Variants in THSD4 observed in about 807,000 individuals in gnomAD.
THSD4 encodes thrombospondin type 1 domain containing 4.
A neutral mutation model predicts 119.0 loss-of-function variants in THSD4; 69 were observed. The ratio of observed to expected loss-of-function variants is 0.58; its 90% CI spans 0.48 to 0.71. THSD4 has a LOEUF of 0.71. Among genes scored for constraint, THSD4 ranks in the 30% least tolerant of loss-of-function variants. THSD4 has a pLI of 0.00. For missense variants in THSD4, 1,393 were observed against 1,391.1 expected, an observed-to-expected ratio of 1.00 and a Z score of -0.02; for synonymous variants, 524 against 540.4, an observed-to-expected ratio of 0.97 and a Z score of 0.42.
intron 7 of THSD4, among the ~76,000 whole-genome samples, chr15:71,472,839 A>T (rs1173017504): frequency 6.6e-6 from 1 of 152,144 alleles, no homozygotes. Flanking sequence ...AAATTTAGAA[A>T]AACTCCCATG....
At chr15:71,477,714 C>G (rs2047673366) in intron 7 of THSD4, among the ~76,000 whole-genome samples, 1 of 152,186 alleles carries the variant, frequency 6.6e-6, no homozygotes, top group African/African-American at 2.4e-5. Context: ...TCTTCACCAC[C>G]AGTGCAGCCC....
chr15:71,781,016 T>C lies in THSD4; in HGVS notation c.*3642T>C, dbSNP rs191748178. ...ATTCTAATGAGGAGGAAGACATAAATATAAGTGGTAAAAAGAAACATGACT... is the reference window on the plus strand; with the variant it reads ...ATTCTAATGAGGAGGAAGACATAAACATAAGTGGTAAAAAGAAACATGACT... On this transcript the variant is annotated 3_prime_UTR_variant, in exon 18 of 18. Coordinates refer to ENST00000261862, the MANE Select transcript of THSD4 (RefSeq NM_024817.3). The C allele has an allele frequency of 4.3e-5, 14 of 329,178 alleles. No individual in the cohort carries two copies. Among genetic ancestry groups the C allele is most frequent in the African/African-American group, 3.0e-4 (14 of 46,656 alleles). 20.4% of individuals were successfully genotyped at this position (329,178 alleles called of 1,614,324 possible).
At chr15:71,660,851 C>T (rs2051292463) in intron 8 of THSD4, 117 bp downstream of exon 8, 2 of 1,166,496 alleles carry the variant, frequency 1.7e-6, no homozygotes, top group African/African-American at 1.5e-5. Context: ...AGGCAGTGCC[C>T]CTGGGGAATG....
intron 7 of THSD4, among the ~76,000 whole-genome samples, chr15:71,483,325 G>A (rs1400803788): frequency 6.6e-6 from 1 of 152,104 alleles, no homozygotes; most frequent in Non-Finnish European, 1.5e-5. Flanking sequence ...ATGTAAATGT[G>A]TGGCTTGCAT....
intron 6 of THSD4, among the ~76,000 whole-genome samples, chr15:71,367,970 A>G (rs1387025835): frequency 2.6e-5 from 4 of 152,054 alleles, no homozygotes; most frequent in South Asian, 4.2e-4. Flanking sequence ...TTTAATGATC[A>G]CCATTCTAAC....
chr15:71,317,673 G>T lies in THSD4; in HGVS notation c.1015+60958G>T, dbSNP rs139985937. 1.5e-3 allele frequency among the ~76,000 whole-genome samples: 235 copies of T among 152,232 alleles called. 1 individual carries two copies. Among genetic ancestry groups the T allele is most frequent in the African/African-American group, 5.0e-3 (209 of 41,548 alleles). Reference sequence around the variant, plus strand: ...GCAAAATGTACCCTTTGGGAAGTTCGTTTTTTCACATGATTCCAAGGAAGA... The same window carrying T: ...GCAAAATGTACCCTTTGGGAAGTTCTTTTTTTCACATGATTCCAAGGAAGA... On this transcript the variant is annotated intron_variant, in intron 6 of 17. Transcript: ENST00000261862.
intron 7 of THSD4, among the ~76,000 whole-genome samples, chr15:71,488,523 A>AAATGAAACCAGCCAG (rs71154775): frequency 0.98 from 149,399 of 152,178 alleles, 73,399 homozygotes; most frequent in Non-Finnish European, 1. Context: ...TGGAAATCTT[A>AAATGAAACCAGCCAG]ATCTCATACT....
At chr15:71,131,846 T>C (rs2040506855) in intron 1 of THSD4, among the ~76,000 whole-genome samples, 2 of 152,188 alleles carry the variant, frequency 1.3e-5, no homozygotes, top group South Asian at 4.1e-4. Context: ...TTCCCCTTGT[T>C]TGTTCATGGA....
chr15:71,637,727 A>C (rs2050773601), intron 7 of THSD4, among the ~76,000 whole-genome samples: 1 of 151,172 alleles, frequency 6.6e-6, no homozygotes, highest in Non-Finnish European at 1.5e-5. Flanking sequence ...GCACATTATG[A>C]ATTTTTTTTT....
At chr15:71,107,593 A>G (rs1234291447) in intron 1 of THSD4, among the ~76,000 whole-genome samples, 2 of 152,124 alleles carry the variant, frequency 1.3e-5, no homozygotes, top group African/African-American at 4.8e-5. Context: ...GGACTGGGTC[A>G]GGAGAAGTTT....
chr15:71,160,869 T>C lies in THSD4; in HGVS notation c.99+5937T>C, dbSNP rs138277003. Among the ~76,000 whole-genome samples, 15 of 152,024 alleles carry C rather than the reference T, an allele frequency of 9.9e-5. No individual in the cohort carries two copies. The East Asian group carries it at 2.7e-3, about 27-fold the overall frequency. ...GGGTTTAGTTTGTTCTTGAGGTTCA[T>C]GGTTAAATTATTTATTAGAAATATT... is the stretch of plus-strand genomic sequence containing the variant. On this transcript the variant is annotated intron_variant, in intron 3 of 17. Transcript: ENST00000261862.
intron 6 of THSD4, among the ~76,000 whole-genome samples, chr15:71,307,494 A>G (rs2045046654): frequency 1.3e-5 from 2 of 152,222 alleles, no homozygotes; most frequent in South Asian, 4.1e-4. Context: ...CATTCAGGCC[A>G]GGCACGGTGG....
At chr15:71,573,080 A>G (rs1036950186) in intron 7 of THSD4, among the ~76,000 whole-genome samples, 1 of 152,148 alleles carries the variant, frequency 6.6e-6, no homozygotes, top group East Asian at 1.9e-4. Context: ...CTTGGCAGAC[A>G]TGCACTTTGG....
At chr15:71,205,965 C>T (rs2043840617) in intron 3 of THSD4, among the ~76,000 whole-genome samples, 2 of 151,758 alleles carry the variant, frequency 1.3e-5, no homozygotes, top group Admixed American at 1.3e-4. Context: ...CCTCCTCCTC[C>T]TTGCTTGAAA....
intron 16 of THSD4, among the ~76,000 whole-genome samples, chr15:71,767,992 A>C (rs1008721992): frequency 6.6e-6 from 1 of 152,222 alleles, no homozygotes; most frequent in Non-Finnish European, 1.5e-5. Context: ...AATGAAGTTT[A>C]TAATACTTTA....
At chr15:71,534,576 A>G (rs1008615857) in intron 7 of THSD4, among the ~76,000 whole-genome samples, 1 of 152,220 alleles carries the variant, frequency 6.6e-6, no homozygotes, top group African/African-American at 2.4e-5. Context: ...TCACTGTAAA[A>G]ACAATTAGAA....
At chr15:71,647,988 G>C (rs776677315) in intron 7 of THSD4, among the ~76,000 whole-genome samples, 5 of 152,128 alleles carry the variant, frequency 3.3e-5, no homozygotes, top group Non-Finnish European at 5.9e-5. Flanking sequence ...GGTGGCCCTT[G>C]GTCAGTCATC....
In THSD4 at chr15:71,623,926, G is replaced by GAAAAA. The variant is rs11450708; in HGVS notation, c.1153-36591_1153-36587dup. ...TGCCAAGAGCAAAACTCCCTCTCAA[G>GAAAAA]AAAAAAAAAAAAAAAAATCTAATCA... On this transcript the variant is annotated intron_variant, in intron 7 of 17. Transcript: ENST00000261862. Among the ~76,000 whole-genome samples, 2 of 136,476 alleles carry GAAAAA rather than the reference G, an allele frequency of 1.5e-5. 1 individual carries two copies. The highest frequency in any genetic ancestry group is 3.2e-5 in the Non-Finnish European group (2 of 63,396). The allele number at this position is 136,476 out of a possible 152,430, so 89.5% of individuals were successfully genotyped here.
chr15:71,727,948 T>A (rs904557364), intron 8 of THSD4, among the ~76,000 whole-genome samples: 3 of 151,972 alleles, frequency 2.0e-5, no homozygotes, highest in Admixed American at 6.6e-5. Flanking sequence ...TCAGAGCATA[T>A]AGGGTCCATC....
Sources: gnomAD v4.1 joint callset for allele counts (sites outside exome capture counted in the v4.1 genomes callset) on GRCh38, gnomAD v4.1.1 for gene constraint, MANE v1.5 for transcripts, NCBI Gene and HGNC (gene_info 2026-07-23, HGNC 2026-07-21) for gene names.